The following DPEP2 variants were observed in gnomAD, a reference collection of about 807,000 sequenced individuals.
DPEP2 encodes the protein dipeptidase 2.
DPEP2 carries 45 observed loss-of-function variants against 51.8 expected under a neutral mutation model. That is an observed-to-expected ratio of 0.87 (90% confidence interval 0.68 to 1.11). The LOEUF (loss-of-function observed/expected upper bound fraction) is 1.11, where lower values mean the gene tolerates loss of function less well. Ranked by LOEUF, DPEP2 falls within the 50% of genes most tolerant of loss-of-function variation. The pLI is 0.00. For missense variants in DPEP2, 604 were observed against 631.9 expected (o/e 0.96, Z 0.47); for synonymous variants, 255 against 262.7 (o/e 0.97, Z 0.28).
At chr16:67,988,466 C>G (rs891358197) in intron 9 of DPEP2, among the ~76,000 whole-genome samples, 1 of 151,900 alleles carries the variant, frequency 6.6e-6, no homozygotes, top group African/African-American at 2.4e-5. Context: ...AGCTGGGCAT[C>G]ATGGCGCACA....
At chr16:67,989,288 G>C in intron 9 of DPEP2, 35 bp downstream of exon 9, 1 of 1,612,704 alleles carries the variant, frequency 6.2e-7, no homozygotes, top group Non-Finnish European at 8.5e-7. Flanking sequence ...CTGCTGTACA[G>C]CTAGCCCAAG....
chr16:67,996,502 C>T (rs1440372971), intron 1 of DPEP2, among the ~76,000 whole-genome samples: 1 of 151,954 alleles, frequency 6.6e-6, no homozygotes, highest in Non-Finnish European at 1.5e-5. Flanking sequence ...CTGCCTCAGC[C>T]TCCCAAGTCA....
intron 2 of DPEP2, 97 bp downstream of exon 2, chr16:67,992,853 T>C (rs895792233): frequency 4.7e-5 from 71 of 1,494,812 alleles, no homozygotes; most frequent in Non-Finnish European, 6.1e-5. Flanking sequence ...CCAGGGGTGG[T>C]GTGAGGGAGC....
Position 67,991,299 on chromosome 16 carries a change from A to T in DPEP2, c.663-115T>A, listed in dbSNP as rs986105641. On this transcript the variant is annotated intron_variant, in intron 5 of 10. Transcript: ENST00000393847. This position sits in a 1 kb window ranked among gnomAD's most constrained non-coding sequence, Gnocchi z 5.1. Reference sequence around the variant, plus strand: ...CCCTGAAACAAAAACAGGGATCCAAAATGGGCCCTGCAAATGGGCCATGCC... The same window carrying T: ...CCCTGAAACAAAAACAGGGATCCAATATGGGCCCTGCAAATGGGCCATGCC... 1 of 1,024,142 alleles carries T rather than the reference A, an allele frequency of 9.8e-7. No homozygotes were observed. The highest frequency in any genetic ancestry group is 1.6e-5 in the African/African-American group (1 of 62,278). 63.4% of individuals were successfully genotyped at this position (1,024,142 alleles called of 1,614,324 possible). A position where few individuals can be genotyped will look rare whatever the true frequency, so the allele number is the denominator to read the frequency against.
At chr16:67,996,071 C>T (rs1257986526) in intron 1 of DPEP2, among the ~76,000 whole-genome samples, 1 of 152,086 alleles carries the variant, frequency 6.6e-6, no homozygotes, top group Non-Finnish European at 1.5e-5. Flanking sequence ...TAAGGTCTTG[C>T]TCTGTCACCC....
intron 1 of DPEP2, among the ~76,000 whole-genome samples, chr16:67,998,295 GC>G (rs201032648): frequency 0.13 from 19,054 of 152,062 alleles, 1,309 homozygotes; most frequent in South Asian, 0.21. Context: ...GGCTTGGCGG[GC>G]CCGCACTCGG....
chr16:67,996,883 A>G (rs1192705914), intron 1 of DPEP2, among the ~76,000 whole-genome samples: 1 of 151,978 alleles, frequency 6.6e-6, no homozygotes, highest in African/African-American at 2.4e-5. Flanking sequence ...AGGGGACCAT[A>G]CAAAGCGAAT....
At chr16:67,999,927 C>T (rs9938884), upstream of DPEP2, among the ~76,000 whole-genome samples, 6,578 of 152,178 alleles carry the variant, frequency 0.043, 439 homozygotes, top group African/African-American at 0.14. Context: ...AAAACAAGAT[C>T]CAATGCATCC....
intron 1 of DPEP2, among the ~76,000 whole-genome samples, chr16:67,999,062 C>T (rs148970827): frequency 9.1e-4 from 138 of 152,248 alleles, no homozygotes; most frequent in African/African-American, 3.2e-3. Flanking sequence ...CTGTTCTGGT[C>T]CCCTTCCACA....
chr16:67,992,022 T>A (rs2032222983), intron 4 of DPEP2, 42 bp downstream of exon 4: 1 of 1,613,800 alleles, frequency 6.2e-7, no homozygotes, highest in African/African-American at 1.3e-5. Context: ...AGGGCTGGAG[T>A]AGCTCAATCA....
Position 67,991,749 on chromosome 16 carries a change from A to G in DPEP2, c.662+89T>C, listed in dbSNP as rs1310466331. 2.8e-5 allele frequency: 43 copies of G among 1,542,454 alleles called. No individual in the cohort carries two copies. The highest frequency in any genetic ancestry group is 3.6e-5 in the Non-Finnish European group (41 of 1,139,510). ...CACTCCAGAGTCAGTGCCACATCCC[A>G]TGGGTAAAGCTTGTTCTGGGCCCAC... is the stretch of plus-strand genomic sequence containing the variant. On this transcript the variant is annotated intron_variant, in intron 5 of 10. Coordinates refer to ENST00000393847, the MANE Select transcript of DPEP2 (RefSeq NM_022355.4). This position sits in a 1 kb window ranked among gnomAD's most constrained non-coding sequence, Gnocchi z 5.1.
In DPEP2 at chr16:67,993,368, G is replaced by A. The variant is rs193262931; in HGVS notation, c.-45-111C>T. On this transcript the variant is annotated intron_variant, in intron 1 of 10. Coordinates refer to ENST00000393847, the MANE Select transcript of DPEP2 (RefSeq NM_022355.4). ...GGGTAACGAAGTCACAGGGCCCCGC[G>A]AAGGATGTGCGGAGAGCGGCGGCAC... 709 of 1,305,396 alleles carry A rather than the reference G, an allele frequency of 5.4e-4. 8 individuals carry two copies. The East Asian group carries it at 0.017, about 31-fold the overall frequency. The allele number at this position is 1,305,396 out of a possible 1,614,324, so 80.9% of individuals were successfully genotyped here. A position where few individuals can be genotyped will look rare whatever the true frequency, so the allele number is the denominator to read the frequency against.
chr16:67,999,578 C>T, upstream of DPEP2: 1 of 886,202 alleles, frequency 1.1e-6, no homozygotes, highest in Non-Finnish European at 1.4e-6. Context: ...TTGTTTACTT[C>T]TGGGGCATGA....
In DPEP2 at chr16:67,991,010, G is replaced by A; in HGVS notation, c.733-13C>T. The A allele has an allele frequency of 1.2e-6, 2 of 1,613,892 alleles. No homozygotes were observed. The highest frequency in any genetic ancestry group is 1.7e-6 in the Non-Finnish European group (2 of 1,179,762). On this transcript the variant is annotated splice_polypyrimidine_tract_variant and intron_variant, in intron 6 of 10. Transcript: ENST00000393847. The surrounding 1 kb of genome is among the most constrained non-coding windows in gnomAD (Gnocchi z 5.1). ...CTGCCACCACCTTCTGCAGGGACATGTTGGGAGAAGGGTATCAGGGGTGCA... is the reference window on the plus strand; with the variant it reads ...CTGCCACCACCTTCTGCAGGGACATATTGGGAGAAGGGTATCAGGGGTGCA...
chr16:67,990,304 G>T (rs1159131572), intron 7 of DPEP2, among the ~76,000 whole-genome samples, 173 bp from the exon 8 acceptor site: 3 of 152,172 alleles, frequency 2.0e-5, no homozygotes, highest in Non-Finnish European at 4.4e-5. Flanking sequence ...GTCTGGCATA[G>T]GTGTCTTGGC....
At chr16:67,997,046 T>TTATTA in intron 1 of DPEP2, among the ~76,000 whole-genome samples, 1 of 135,152 alleles carries the variant, frequency 7.4e-6, no homozygotes, top group East Asian at 2.1e-4. Flanking sequence ...TATTATTATT[T>TTATTA]TCTGAGACAG....
Position 67,992,195 on chromosome 16 carries a change from T to G in DPEP2, c.391-2A>C. The G allele has an allele frequency of 6.2e-7, 1 of 1,613,718 alleles. No individual in the cohort carries two copies. Among genetic ancestry groups the G allele is most frequent in the Middle Eastern group, 1.7e-4 (1 of 6,052 alleles). The stretch of plus-strand genomic sequence containing the variant: ...GCATGGCACATAGGCTGACCAGAAC[T>G]GGGGGGAAGGCCAGGGTTTGGCTTG... On this transcript the variant is annotated splice_acceptor_variant, in intron 3 of 10. Transcript: ENST00000393847. LOFTEE classifies it high-confidence loss of function.
At chr16:67,994,955 T>C in intron 1 of DPEP2, 4 of 941,570 alleles carry the variant, frequency 4.2e-6, no homozygotes, top group Non-Finnish European at 5.1e-6. Flanking sequence ...GGCTAGAGGG[T>C]AGTGGCACAA....
At chr16:67,990,383 G>A (rs1008187519) in intron 7 of DPEP2, among the ~76,000 whole-genome samples, 1 of 152,122 alleles carries the variant, frequency 6.6e-6, no homozygotes, top group Admixed American at 6.6e-5. Context: ...GATGTGGACT[G>A]TGGGGTTGTG....
Sources: allele counts gnomAD v4.1 joint callset (sites outside exome capture counted in the v4.1 genomes callset), GRCh38; gene constraint gnomAD v4.1.1; non-coding constraint Gnocchi (gnomAD v3.1); transcripts MANE v1.5; gene names NCBI Gene and HGNC (gene_info 2026-07-23, HGNC 2026-07-21).